Variants in IGF1R observed in about 807,000 individuals in gnomAD.
The protein encoded by IGF1R is insulin like growth factor 1 receptor.
In IGF1R, 44 loss-of-function variants were observed where a neutral mutation model predicts 144.6. That is an observed-to-expected ratio of 0.30 (90% CI 0.24 to 0.39). The LOEUF (loss-of-function observed/expected upper bound fraction) is 0.39. Ranked by LOEUF, IGF1R falls within the 10% of genes least tolerant of loss-of-function variation. IGF1R has a pLI of 1.00. For synonymous variants in IGF1R, 795 were observed against 722.8 expected (o/e 1.10, Z -1.60); for missense variants, 1,355 against 1,833.7 (o/e 0.74, Z 4.77).
At chr15:98,650,830 C>A in intron 1 of IGF1R, 4 of 864,974 alleles carry the variant, frequency 4.6e-6, no homozygotes, top group Non-Finnish European at 5.6e-6. Context: ...CAGTGTCGCT[C>A]CACATTCGCT....
At chr15:98,836,179 A>ATT (rs71455099) in intron 2 of IGF1R, among the ~76,000 whole-genome samples, 9 of 148,212 alleles carry the variant, frequency 6.1e-5, no homozygotes, top group African/African-American at 2.2e-4. Context: ...AACTGAACTG[A>ATT]TTTTTTTTTT....
intron 2 of IGF1R, among the ~76,000 whole-genome samples, chr15:98,712,047 T>C (rs575634469): frequency 6.6e-6 from 1 of 152,320 alleles, no homozygotes; most frequent in South Asian, 2.1e-4. Flanking sequence ...CCCAGAGCCA[T>C]CATACTGGGG....
chr15:98,683,911 G>A (rs577302882), intron 1 of IGF1R, among the ~76,000 whole-genome samples: 11 of 152,238 alleles, frequency 7.2e-5, no homozygotes, highest in South Asian at 6.2e-4. Context: ...TATTTGAGAC[G>A]TAATGAAATG....
intron 2 of IGF1R, among the ~76,000 whole-genome samples, chr15:98,789,221 A>G (rs1596306279): frequency 1.3e-5 from 2 of 152,340 alleles, no homozygotes; most frequent in South Asian, 4.1e-4. Context: ...ATCTTGATTT[A>G]TCTTTGAAAG....
chr15:98,913,258 T>C lies in IGF1R; in HGVS notation c.1804T>C (p.Leu602=), dbSNP rs1227188424. The C allele has an allele frequency of 1.9e-5, 31 of 1,614,062 alleles. No homozygotes were observed. The highest frequency in any genetic ancestry group is 2.5e-5 in the Non-Finnish European group (29 of 1,179,934). Residue 602 remains leucine (L), a synonymous_variant, in exon 8 of 21, where the codon TTG becomes CTG. Coordinates refer to ENST00000650285, the MANE Select transcript of IGF1R (RefSeq NM_000875.5). ...DHIRGAKSEI[L]YIRTNASVPS... ...TATCCGTGGGGCCAAGAGTGAGATCTTGTACATTCGCACCAATGCTTCAGG... is the reference window on the plus strand; with the variant it reads ...TATCCGTGGGGCCAAGAGTGAGATCCTGTACATTCGCACCAATGCTTCAGG...
chr15:98,866,301 TG>T (rs1567168302), intron 2 of IGF1R, among the ~76,000 whole-genome samples: 1 of 152,224 alleles, frequency 6.6e-6, no homozygotes, highest in Non-Finnish European at 1.5e-5. Flanking sequence ...ATGCAGATCC[TG>T]ATTTAAATCT....
chr15:98,805,424 G>C (rs2056450403), intron 2 of IGF1R, among the ~76,000 whole-genome samples: 1 of 152,154 alleles, frequency 6.6e-6, no homozygotes, highest in Admixed American at 6.5e-5. Context: ...AGAGCAGCAA[G>C]ACCAGACTTC....
At chr15:98,913,434 T>A in intron 8 of IGF1R, 152 bp downstream of exon 8, 4 of 762,504 alleles carry the variant, frequency 5.2e-6, no homozygotes, top group Non-Finnish European at 9.5e-6. Context: ...ATTTCCCCAC[T>A]GCTAACACAT....
chr15:98,942,619 G>A (rs992067507), intron 18 of IGF1R, among the ~76,000 whole-genome samples: 15 of 152,192 alleles, frequency 9.9e-5, no homozygotes, highest in Admixed American at 3.3e-4. Flanking sequence ...GATTACAGGC[G>A]TTGAGTCACT....
intron 17 of IGF1R, among the ~76,000 whole-genome samples, chr15:98,936,552 A>G (rs1408636780): frequency 6.6e-6 from 1 of 151,252 alleles, no homozygotes; most frequent in Non-Finnish European, 1.5e-5. Context: ...ATTCCTTAGA[A>G]GCAGTGACTT....
chr15:98,793,587 T>G, intron 2 of IGF1R, among the ~76,000 whole-genome samples: 1 of 152,232 alleles, frequency 6.6e-6, no homozygotes, highest in East Asian at 1.9e-4. Flanking sequence ...CTTGTTGAAG[T>G]GACAGTTTAG....
chr15:98,689,143 C>T (rs1021008371), intron 1 of IGF1R, among the ~76,000 whole-genome samples: 1 of 151,932 alleles, frequency 6.6e-6, no homozygotes, highest in Admixed American at 6.6e-5. Flanking sequence ...TGTTTTCCCA[C>T]TCTAGATATC....
chr15:98,852,516 A>G lies in IGF1R; in HGVS notation c.641-38809A>G, dbSNP rs569807791. Among the ~76,000 whole-genome samples the G allele has an allele frequency of 5.9e-5, 9 of 152,332 alleles. No homozygotes were observed. In the East Asian group the frequency reaches 1.7e-3, roughly 29 times the overall value. On this transcript the variant is annotated intron_variant, in intron 2 of 20. Transcript: ENST00000650285. ...TGGAGTGTCTGTCAGTCAAGTGGGC[A>G]TCCCGCAAGGATGCAGCAGGAGTAT...
At chr15:98,672,569 C>CAA (rs60559912) in intron 1 of IGF1R, among the ~76,000 whole-genome samples, 1,131 of 61,504 alleles carry the variant, frequency 0.018, 28 homozygotes, top group African/African-American at 0.047. Flanking sequence ...GACTCCATCT[C>CAA]AAAAAAAAAA....
At chr15:98,807,859 A>G (rs1377513990) in intron 2 of IGF1R, among the ~76,000 whole-genome samples, 1 of 152,258 alleles carries the variant, frequency 6.6e-6, no homozygotes, top group Non-Finnish European at 1.5e-5. Context: ...AGAGGAAACA[A>G]TAGCAGCTGT....
chr15:98,836,952 C>A (rs1466056879), intron 2 of IGF1R, among the ~76,000 whole-genome samples: 1 of 152,226 alleles, frequency 6.6e-6, no homozygotes, highest in Non-Finnish European at 1.5e-5. Flanking sequence ...CACTGATGAT[C>A]TCTTAGCCTT....
At chr15:98,657,169 C>T (rs553002150) in intron 1 of IGF1R, among the ~76,000 whole-genome samples, 2 of 152,232 alleles carry the variant, frequency 1.3e-5, no homozygotes, top group South Asian at 4.2e-4. Context: ...TTTAAGTCAG[C>T]CAAAGTTTAG....
At chr15:98,802,068 T>G (rs1486960054) in intron 2 of IGF1R, among the ~76,000 whole-genome samples, 2 of 152,166 alleles carry the variant, frequency 1.3e-5, no homozygotes, top group East Asian at 3.8e-4. Flanking sequence ...TTGTGGCCCC[T>G]TTTCAACCTT....
At chr15:98,653,344 C>G (rs1718672188) in intron 1 of IGF1R, among the ~76,000 whole-genome samples, 1 of 152,032 alleles carries the variant, frequency 6.6e-6, no homozygotes, top group South Asian at 2.1e-4. Flanking sequence ...TTATGTTTTC[C>G]AACAAAGAAA....
Sources: allele counts gnomAD v4.1 joint callset (sites outside exome capture counted in the v4.1 genomes callset), GRCh38; gene constraint gnomAD v4.1.1; transcripts MANE v1.5; gene names NCBI Gene and HGNC (gene_info 2026-07-23, HGNC 2026-07-21).